MAPK10: variants seen among roughly 807,000 people sequenced by gnomAD.
The protein encoded by MAPK10 is mitogen-activated protein kinase 10, also known as JNK3 alpha protein kinase.
A neutral mutation model predicts 59.3 loss-of-function variants in MAPK10; 25 were observed. That is an observed-to-expected ratio of 0.42 (90% CI 0.31 to 0.59). The LOEUF (loss-of-function observed/expected upper bound fraction) is 0.59, where lower values mean the gene tolerates loss of function less well. Among genes scored for constraint, MAPK10 ranks in the 20% least tolerant of loss-of-function variants. MAPK10 has a pLI of 0.15. For missense variants in MAPK10, 351 were observed against 568.9 expected, an observed-to-expected ratio of 0.62 and a Z score of 3.90; for synonymous variants, 190 against 200.5, an observed-to-expected ratio of 0.95 and a Z score of 0.44.
At chr4:86,059,183 AT>A (rs1191499978) in intron 11 of MAPK10, among the ~76,000 whole-genome samples, 2 of 152,218 alleles carry the variant, frequency 1.3e-5, no homozygotes, top group Admixed American at 1.3e-4. Flanking sequence ...CTTTGGTAAT[AT>A]CCAGTAAGAT....
chr4:86,451,044 C>A (rs1750638825), intron 1 of MAPK10, among the ~76,000 whole-genome samples: 1 of 151,992 alleles, frequency 6.6e-6, no homozygotes, highest in African/African-American at 2.4e-5. Flanking sequence ...GGAGTGTAGG[C>A]AAAGGTTTTC....
chr4:86,136,898 A>C (rs2062294926), intron 4 of MAPK10, among the ~76,000 whole-genome samples: 1 of 152,186 alleles, frequency 6.6e-6, no homozygotes. Context: ...GTCTCTGATA[A>C]AACAGATTTT....
At chr4:86,066,390 T>C (rs1389273550) in intron 10 of MAPK10, among the ~76,000 whole-genome samples, 2 of 152,184 alleles carry the variant, frequency 1.3e-5, no homozygotes, top group African/African-American at 2.4e-5. Context: ...CTTTAATTTG[T>C]AACTGATTTT....
rs763212852 is a variant in MAPK10, at chr4:86,029,230, T to C, written c.1219A>G (p.Asn407Asp). ...EVMNSEEKTK[N>D]GVVKGQPSPS... is the part of the protein sequence containing the mutation. ...GAAGGCTGTCCTTTTACTACACCAT[T>C]TTTAGTCTTTTCTTCTGAATTCATT... is the stretch of plus-strand genomic sequence containing the variant. The change falls in exon 13 of 14, where the codon AAT becomes GAT. Residue 407 changes from asparagine to aspartate, a missense_variant. Coordinates refer to ENST00000641462, the MANE Select transcript of MAPK10 (RefSeq NM_138982.4). 1 of 1,611,368 alleles carries C rather than the reference T, an allele frequency of 6.2e-7. No individual in the cohort carries two copies. Among genetic ancestry groups the C allele is most frequent in the South Asian group, 1.1e-5 (1 of 91,008 alleles).
intron 2 of MAPK10, among the ~76,000 whole-genome samples, chr4:86,330,473 CA>C (rs2096126469): frequency 6.6e-6 from 1 of 152,184 alleles, no homozygotes; most frequent in Admixed American, 6.5e-5. Flanking sequence ...ATAATCCCCA[CA>C]CGTCATGGGA....
chr4:86,195,716 C>A (rs189102338), intron 2 of MAPK10, among the ~76,000 whole-genome samples: 1 of 152,242 alleles, frequency 6.6e-6, no homozygotes, highest in East Asian at 1.9e-4. Flanking sequence ...TGCTATCCCT[C>A]CCCTAGGCCC....
intron 1 of MAPK10, among the ~76,000 whole-genome samples, chr4:86,482,807 A>C (rs867125340): frequency 2.2e-4 from 33 of 152,324 alleles, no homozygotes; most frequent in African/African-American, 7.5e-4. Context: ...GTTATGGCTA[A>C]TGAAAAATGA....
At chr4:86,546,520 G>A (rs1325590507) in intron 1 of MAPK10, among the ~76,000 whole-genome samples, 1 of 149,748 alleles carries the variant, frequency 6.7e-6, no homozygotes, top group African/African-American at 2.5e-5. Context: ...TCGCGCTACT[G>A]CACTCCAGCC....
At chr4:86,148,568 G>C (rs763909801) in intron 4 of MAPK10, among the ~76,000 whole-genome samples, 1 of 152,190 alleles carries the variant, frequency 6.6e-6, no homozygotes, top group Non-Finnish European at 1.5e-5. Context: ...CCTGGAAAAG[G>C]CAGTTGAAAT....
At chr4:86,534,551 G>T (rs923908825) in intron 1 of MAPK10, among the ~76,000 whole-genome samples, 5 of 151,916 alleles carry the variant, frequency 3.3e-5, no homozygotes, top group African/African-American at 7.3e-5. Flanking sequence ...TAAGAAAAAC[G>T]GAGTGAGTGG....
At chr4:86,577,744 T>C (rs1323078257) in intron 1 of MAPK10, among the ~76,000 whole-genome samples, 3 of 152,184 alleles carry the variant, frequency 2.0e-5, no homozygotes, top group Non-Finnish European at 4.4e-5. Flanking sequence ...AATTACGTGG[T>C]TGCAATCGTT....
intron 3 of MAPK10, among the ~76,000 whole-genome samples, chr4:86,189,903 T>G (rs1017267337): frequency 6.6e-6 from 1 of 152,222 alleles, no homozygotes; most frequent in African/African-American, 2.4e-5. Context: ...TAGCTCTTAT[T>G]ATTTTGAGAT....
chr4:86,390,265 T>A (rs1033370585), intron 1 of MAPK10, among the ~76,000 whole-genome samples: 2 of 152,186 alleles, frequency 1.3e-5, no homozygotes, highest in African/African-American at 4.8e-5. Flanking sequence ...AAAAGGAAGA[T>A]GATAAAAAGA....
intron 1 of MAPK10, among the ~76,000 whole-genome samples, chr4:86,548,052 A>C (rs112082902): frequency 1.3e-5 from 2 of 152,104 alleles, no homozygotes; most frequent in Non-Finnish European, 2.9e-5. Context: ...CCCCTTCCAC[A>C]CTGTGGAATC....
chr4:86,502,844 A>C (rs1192533316), intron 1 of MAPK10, among the ~76,000 whole-genome samples: 1 of 152,048 alleles, frequency 6.6e-6, no homozygotes, highest in African/African-American at 2.4e-5. Context: ...TTTTGCCAAA[A>C]TTTACCACCA....
intron 1 of MAPK10, among the ~76,000 whole-genome samples, chr4:86,403,653 G>C (rs1207578242): frequency 1.3e-5 from 2 of 152,158 alleles, no homozygotes; most frequent in Non-Finnish European, 2.9e-5. Context: ...AAGACAAAGG[G>C]GGAGCAAGGA....
intron 2 of MAPK10, among the ~76,000 whole-genome samples, chr4:86,229,865 G>A (rs2091275168): frequency 6.6e-6 from 1 of 152,042 alleles, no homozygotes; most frequent in African/African-American, 2.4e-5. Flanking sequence ...ATACCAGCCT[G>A]GGCAACATAG....
rs1743762462 is a variant in MAPK10, at chr4:86,017,363, T to G, written c.1260A>C (p.Ala420=). 1 of 1,614,104 alleles carries G rather than the reference T, an allele frequency of 6.2e-7. No individual in the cohort carries two copies. The change falls in exon 14 of 14, where the codon GCA becomes GCC. Residue 420 remains alanine (A), a synonymous_variant. Coordinates refer to ENST00000641462, the MANE Select transcript of MAPK10 (RefSeq NM_138982.4). This position sits in a 1 kb window ranked among gnomAD's most constrained non-coding sequence, Gnocchi z 4.4. The stretch of plus-strand genomic sequence containing the variant: ...GAGGGAGACTCTCACTGCTGTTCAC[T>G]GCTGCACCTGTGCTAAGAAAATGAA... The part of the protein sequence containing the change: ...VKGQPSPSGA[A]VNSSESLPPS...
chr4:86,215,539 GA>G (rs534635290), intron 2 of MAPK10, among the ~76,000 whole-genome samples: 10 of 152,190 alleles, frequency 6.6e-5, no homozygotes, highest in Admixed American at 4.6e-4. Flanking sequence ...AAAATACGTA[GA>G]AACTAACACT....
Sources: gnomAD v4.1 joint callset for allele counts (sites outside exome capture counted in the v4.1 genomes callset) on GRCh38, gnomAD v4.1.1 for gene constraint, Gnocchi (gnomAD v3.1) non-coding constraint, MANE v1.5 for transcripts, NCBI Gene and HGNC (gene_info 2026-07-23, HGNC 2026-07-21) for gene names.